The following PTPRD variants were observed in gnomAD, a reference collection of about 807,000 sequenced individuals.
PTPRD encodes protein tyrosine phosphatase receptor type D.
A neutral mutation model predicts 214.5 loss-of-function variants in PTPRD; 34 were observed. The observed-to-expected ratio is 0.16, with a 90% CI of 0.12 to 0.21. The LOEUF (loss-of-function observed/expected upper bound fraction) is 0.21, where lower values mean the gene tolerates loss of function less well. PTPRD is among the 10% of genes least tolerant of loss of function. The pLI is 1.00. For missense variants in PTPRD, 2,545 were observed against 2,398.7 expected (o/e 1.06, Z -1.27); for synonymous variants, 1,128 against 845.7 (o/e 1.33, Z -5.79).
At chr9:10,140,716 GA>G (rs988144514) in intron 3 of PTPRD, among the ~76,000 whole-genome samples, 114 of 149,882 alleles carry the variant, frequency 7.6e-4, no homozygotes, top group Non-Finnish European at 1.3e-3. Context: ...CCAATCAATA[GA>G]AAAAAAAGGG....
At chr9:9,350,037 A>G (rs903662387) in intron 9 of PTPRD, among the ~76,000 whole-genome samples, 1 of 152,014 alleles carries the variant, frequency 6.6e-6, no homozygotes, top group African/African-American at 2.4e-5. Context: ...AGTTATGCAA[A>G]TGCTTGAAGA....
At chr9:8,779,815 T>C (rs1011878710) in intron 11 of PTPRD, among the ~76,000 whole-genome samples, 14 of 80,312 alleles carry the variant, frequency 1.7e-4, no homozygotes, top group Admixed American at 1.6e-3. Context: ...GTTTTGTTGG[T>C]TTTTTTTTTT....
intron 11 of PTPRD, among the ~76,000 whole-genome samples, chr9:8,759,880 G>T (rs374286389): frequency 6.6e-6 from 1 of 152,112 alleles, no homozygotes; most frequent in African/African-American, 2.4e-5. Flanking sequence ...TCCTGGACTC[G>T]TGTTTGTTTG....
At chr9:10,524,509 T>C (rs1187894114) in intron 2 of PTPRD, among the ~76,000 whole-genome samples, 1 of 151,928 alleles carries the variant, frequency 6.6e-6, no homozygotes. Flanking sequence ...AATAAAAATA[T>C]TTTTCAGAAA....
chr9:10,052,870 A>G (rs1350020525), intron 3 of PTPRD, among the ~76,000 whole-genome samples: 1 of 152,138 alleles, frequency 6.6e-6, no homozygotes, highest in African/African-American at 2.4e-5. Context: ...TGGCAAAGAC[A>G]TACTTAACAT....
rs866357736 is a variant in PTPRD at position 10,518,620 on chromosome 9, C to T, written c.-600+93778G>A. ...CAATCTTGGCTCACTTCAAGCTCCG[C>T]CTCCCAGGTTCACGCCATTCTGCTG... is the stretch of plus-strand genomic sequence containing the variant. On this transcript the variant is annotated intron_variant, in intron 2 of 45. Coordinates refer to ENST00000381196, the MANE Select transcript of PTPRD (RefSeq NM_002839.4). Among the ~76,000 whole-genome samples, 9 of 152,036 alleles carry T rather than the reference C, an allele frequency of 5.9e-5. No individual in the cohort carries two copies. In the Middle Eastern group the frequency reaches 0.017, roughly 287 times the overall value.
At chr9:10,237,344 T>G (rs1564709652) in intron 3 of PTPRD, among the ~76,000 whole-genome samples, 1 of 151,980 alleles carries the variant, frequency 6.6e-6, no homozygotes, top group Non-Finnish European at 1.5e-5. Flanking sequence ...ATCATTGTTA[T>G]GCTGAATTAA....
chr9:9,128,750 G>C (rs1336563683), intron 10 of PTPRD, among the ~76,000 whole-genome samples: 2 of 152,210 alleles, frequency 1.3e-5, no homozygotes, highest in Non-Finnish European at 2.9e-5. Flanking sequence ...TCGTGTAAAA[G>C]ACTAAATAAA....
At chr9:8,375,351 T>A (rs982509320) in intron 39 of PTPRD, among the ~76,000 whole-genome samples, 7 of 152,014 alleles carry the variant, frequency 4.6e-5, no homozygotes, top group African/African-American at 1.7e-4. Context: ...TACAACTTAT[T>A]ACCTTTGAGT....
chr9:10,277,455 A>C (rs994349359), intron 3 of PTPRD, among the ~76,000 whole-genome samples: 2 of 152,216 alleles, frequency 1.3e-5, no homozygotes, highest in African/African-American at 2.4e-5. Flanking sequence ...AACTTAAATA[A>C]ATTTCTTTGC....
At chr9:10,278,304 C>T (rs1023115009) in intron 3 of PTPRD, among the ~76,000 whole-genome samples, 4 of 152,266 alleles carry the variant, frequency 2.6e-5, no homozygotes, top group Admixed American at 6.5e-5. Context: ...ATAGGGTAGA[C>T]ATATGATAGT....
intron 11 of PTPRD, among the ~76,000 whole-genome samples, chr9:8,805,748 C>G (rs2096664319): frequency 6.6e-6 from 1 of 151,412 alleles, no homozygotes; most frequent in Non-Finnish European, 1.5e-5. Context: ...GTAATTCCAG[C>G]ATTTTGGGGC....
At chr9:10,250,966 C>A (rs771277929) in intron 3 of PTPRD, among the ~76,000 whole-genome samples, 1 of 152,016 alleles carries the variant, frequency 6.6e-6, no homozygotes, top group African/African-American at 2.4e-5. Flanking sequence ...AAATTCAGTG[C>A]TACAAAAGTT....
At chr9:10,117,824 G>C (rs1274676803) in intron 3 of PTPRD, among the ~76,000 whole-genome samples, 1 of 151,808 alleles carries the variant, frequency 6.6e-6, no homozygotes, top group Non-Finnish European at 1.5e-5. Flanking sequence ...AACTGAATAT[G>C]TTTATTTACC....
chr9:10,105,945 G>A (rs1299184811), intron 3 of PTPRD, among the ~76,000 whole-genome samples: 3 of 131,280 alleles, frequency 2.3e-5, no homozygotes, highest in Non-Finnish European at 4.7e-5. Flanking sequence ...CAAGTCATAT[G>A]ATCACCAAGG....
intron 22 of PTPRD, 87 bp downstream of exon 22, chr9:8,507,214 G>A (rs571339240): frequency 6.8e-7 from 1 of 1,473,648 alleles, no homozygotes; most frequent in African/African-American, 1.4e-5. Flanking sequence ...ATAGCTCTCT[G>A]ACCAAGAATG....
chr9:10,166,974 AT>A (rs1192154429), intron 3 of PTPRD, among the ~76,000 whole-genome samples: 1 of 152,124 alleles, frequency 6.6e-6, no homozygotes, highest in Non-Finnish European at 1.5e-5. Context: ...CCTTTAAAAC[AT>A]TTGAACTATT....
At chr9:9,575,175 A>G (rs2088051492) in intron 7 of PTPRD, among the ~76,000 whole-genome samples, 1 of 152,144 alleles carries the variant, frequency 6.6e-6, no homozygotes, top group Admixed American at 6.5e-5. Context: ...ATGTACACAC[A>G]CAGCTGTGGC....
At chr9:9,110,493 C>T (rs1262343809) in intron 10 of PTPRD, among the ~76,000 whole-genome samples, 1 of 152,098 alleles carries the variant, frequency 6.6e-6, no homozygotes. Flanking sequence ...ATTCAGTATG[C>T]TCCAAATGTG....
Sources: gnomAD v4.1 joint callset for allele counts (sites outside exome capture counted in the v4.1 genomes callset) on GRCh38, gnomAD v4.1.1 for gene constraint, MANE v1.5 for transcripts, NCBI Gene and HGNC (gene_info 2026-07-23, HGNC 2026-07-21) for gene names.